Variants in TTLL8 observed in about 807,000 individuals in gnomAD.
TTLL8 encodes the protein tubulin tyrosine ligase like 8, also known as protein monoglycylase TTLL8.
TTLL8 carries 65 observed loss-of-function variants against 77.8 expected under a neutral mutation model. The ratio of observed to expected loss-of-function variants is 0.84; its 90% CI spans 0.68 to 1.03. TTLL8 has a LOEUF of 1.03. Among genes scored for constraint, TTLL8 ranks in the 50% least tolerant of loss-of-function variants. TTLL8 has a pLI of 0.00. For synonymous variants in TTLL8, 402 were observed against 422.8 expected (o/e 0.95, Z 0.60); for missense variants, 910 against 1,004.5 (o/e 0.91, Z 1.27).
At chr22:50,029,315 G>A (rs1336314352) in intron 12 of TTLL8, among the ~76,000 whole-genome samples, 2 of 71,206 alleles carry the variant, frequency 2.8e-5, no homozygotes, top group South Asian at 5.5e-4. Context: ...ACACCATCCT[G>A]AAGACCCCAC....
chr22:50,057,598 T>C (rs35097030), upstream of TTLL8, among the ~76,000 whole-genome samples: 558 of 24,276 alleles, frequency 0.023, 161 homozygotes, highest in East Asian at 0.53. Context: ...AGGGTCAGGT[T>C]TGGGTTGAGC....
intron 12 of TTLL8, among the ~76,000 whole-genome samples, chr22:50,024,821 G>C (rs1348209367): frequency 6.6e-6 from 1 of 152,232 alleles, no homozygotes; most frequent in Non-Finnish European, 1.5e-5. Flanking sequence ...GATGGTGTGG[G>C]TGAAAGCACG....
At chr22:50,021,011 C>G (rs1202841852) in intron 12 of TTLL8, among the ~76,000 whole-genome samples, 1 of 151,058 alleles carries the variant, frequency 6.6e-6, no homozygotes, top group African/African-American at 2.4e-5. Flanking sequence ...ACGTGCACTC[C>G]TCCATCTGAC....
exon 12 of TTLL8, chr22:50,030,694 G>C (rs2061283062): frequency 7.8e-7 from 1 of 1,290,116 alleles, no homozygotes; most frequent in Non-Finnish European, 1.0e-6. Flanking sequence ...AAGGCCAGGG[G>C]GAGCCCCTTC....
chr22:50,046,893 G>A (rs1435157163), intron 4 of TTLL8, among the ~76,000 whole-genome samples: 1 of 152,230 alleles, frequency 6.6e-6, no homozygotes. Flanking sequence ...CCCGGTGGCA[G>A]CCCCCAGTCA....
At chr22:50,055,337 A>G (rs1386577309), upstream of TTLL8, 10 of 1,289,516 alleles carry the variant, frequency 7.8e-6, no homozygotes, top group Non-Finnish European at 9.1e-6. Context: ...TGCAAAAGAG[A>G]AGGAGGACAT....
At chr22:50,048,518 T>A (rs2061426148) in intron 3 of TTLL8, among the ~76,000 whole-genome samples, 1 of 151,888 alleles carries the variant, frequency 6.6e-6, no homozygotes, top group Non-Finnish European at 1.5e-5. Flanking sequence ...GACTCCAGCC[T>A]CCAGAACAGT....
At position 50,041,847 on chromosome 22, in the gene TTLL8, C is replaced by G; in HGVS notation, c.644-40G>C. The G allele has an allele frequency of 7.5e-7, 1 of 1,327,678 alleles. No individual in the cohort carries two copies. Among genetic ancestry groups the G allele is most frequent in the Admixed American group, 2.2e-5 (1 of 45,204 alleles). The allele number at this position is 1,327,678 out of a possible 1,614,324, so 82.2% of individuals were successfully genotyped here. On this transcript the variant is annotated intron_variant, in intron 6 of 13. Coordinates refer to ENST00000266182, the Ensembl canonical transcript of TTLL8. This position sits in a 1 kb window ranked among gnomAD's most constrained non-coding sequence, Gnocchi z 4.3. ...CAGGCACATGCAGTGGGAACCTCAC[C>G]CAGGGGCAGCCCTGCCCGCCTCGAG...
At chr22:50,029,914 C>T (rs1486974226) in intron 12 of TTLL8, among the ~76,000 whole-genome samples, 2 of 151,914 alleles carry the variant, frequency 1.3e-5, no homozygotes, top group African/African-American at 2.4e-5. Context: ...CCAAGAGCAG[C>T]CTGTGGCAGC....
intron 2 of TTLL8, 104 bp from the exon 5 acceptor site, chr22:50,049,426 G>T: frequency 8.0e-7 from 1 of 1,251,748 alleles, no homozygotes. Flanking sequence ...TTTACTTCCA[G>T]AAACCTGGCT....
chr22:50,043,457 GGATA>G (rs1207735241), intron 6 of TTLL8, among the ~76,000 whole-genome samples: 2 of 145,962 alleles, frequency 1.4e-5, no homozygotes, highest in African/African-American at 5.1e-5. Flanking sequence ...TTCGGTAGAT[GGATA>G]GATAGATAAA....
At chr22:50,050,141 G>T in exon 2 of TTLL8, 1 of 1,367,202 alleles carries the variant, frequency 7.3e-7, no homozygotes, top group Non-Finnish European at 9.8e-7. Flanking sequence ...CTCGACATCC[G>T]GAATGACCTT....
At chr22:50,043,125 G>A (rs1412596149) in intron 6 of TTLL8, among the ~76,000 whole-genome samples, 2 of 149,178 alleles carry the variant, frequency 1.3e-5, no homozygotes, top group African/African-American at 4.9e-5. Context: ...ATAAACAGTG[G>A]TGCCGAGACG....
chr22:50,042,969 AG>A (rs1178796761), intron 6 of TTLL8, among the ~76,000 whole-genome samples: 6 of 152,270 alleles, frequency 3.9e-5, no homozygotes, highest in Admixed American at 3.9e-4. Context: ...CATACCACCC[AG>A]TAAGTGCGTT....
intron 6 of TTLL8, among the ~76,000 whole-genome samples, chr22:50,042,585 T>A (rs781139489): frequency 6.6e-6 from 1 of 152,216 alleles, no homozygotes; most frequent in Non-Finnish European, 1.5e-5. Flanking sequence ...CACTATGGAC[T>A]AGCAATTCTG....
At chr22:50,050,001 G>A (rs1381352233) in intron 2 of TTLL8, 108 bp downstream of exon 4, 12 of 1,227,570 alleles carry the variant, frequency 9.8e-6, no homozygotes, top group Admixed American at 2.9e-5. Context: ...ACCCCATCAC[G>A]CACACCAGGG....
At chr22:50,020,411 G>A (rs1209333498) in intron 12 of TTLL8, among the ~76,000 whole-genome samples, 1 of 147,946 alleles carries the variant, frequency 6.8e-6, no homozygotes, top group Non-Finnish European at 1.5e-5. Context: ...CTGACAATGT[G>A]TACTCCTCCA....
chr22:50,036,149 C>G (rs1300374534), intron 8 of TTLL8, among the ~76,000 whole-genome samples: 1 of 152,202 alleles, frequency 6.6e-6, no homozygotes, highest in Non-Finnish European at 1.5e-5. Flanking sequence ...GGCACACCTG[C>G]CAGGGGTCCC....
At chr22:50,032,031 G>A (rs1327245881) in exon 11 of TTLL8, 1 of 1,366,486 alleles carries the variant, frequency 7.3e-7, no homozygotes, top group Non-Finnish European at 9.8e-7. Context: ...TCCACATGTT[G>A]TGTGCGGGCA....
Sources: allele counts gnomAD v4.1 joint callset (sites outside exome capture counted in the v4.1 genomes callset), GRCh38; gene constraint gnomAD v4.1.1; non-coding constraint Gnocchi (gnomAD v3.1); transcripts MANE v1.5; gene names NCBI Gene and HGNC (gene_info 2026-07-23, HGNC 2026-07-21).